UCK2: variants seen among roughly 807,000 people sequenced by gnomAD.
UCK2 encodes cytidine monophosphokinase 2.
UCK2 carries 6 observed loss-of-function variants against 30.8 expected under a neutral mutation model. That is an observed-to-expected ratio of 0.19 (90% CI 0.11 to 0.38). The LOEUF is 0.38. Ranked by LOEUF, UCK2 falls within the 10% of genes least tolerant of loss-of-function variation. The pLI is 1.00. For synonymous variants in UCK2, 125 were observed against 133.6 expected (o/e 0.94, Z 0.45); for missense variants, 210 against 339.8 (o/e 0.62, Z 3.00).
Position 165,908,031 on chromosome 1 carries a change from G to A in UCK2, c.*208G>A, listed in dbSNP as rs1215751362. The A allele has an allele frequency of 2.6e-5, 16 of 610,952 alleles. No individual in the cohort carries two copies. Among genetic ancestry groups the A allele is most frequent in the Non-Finnish European group, 3.7e-5 (14 of 380,042 alleles). 37.8% of individuals were successfully genotyped at this position (610,952 alleles called of 1,614,324 possible). Reference sequence around the variant, plus strand: ...GACCCTGAGCTTAAATAACAAAACTGTGCCAACTACTACTGGTGATGCCTA... The same window carrying A: ...GACCCTGAGCTTAAATAACAAAACTATGCCAACTACTACTGGTGATGCCTA... On this transcript the variant is annotated 3_prime_UTR_variant, in exon 7 of 7. Transcript: ENST00000367879.
At chr1:165,892,061 G>C (rs1246423807) in intron 3 of UCK2, 1 of 151,524 alleles carries the variant, frequency 6.6e-6, no homozygotes, top group Non-Finnish European at 1.5e-5. Flanking sequence ...GAGAGAGAGA[G>C]AGAGAGAGAA....
intron 1 of UCK2, among the ~76,000 whole-genome samples, chr1:165,880,067 G>T (rs1655444650): frequency 6.6e-6 from 1 of 152,192 alleles, no homozygotes; most frequent in Admixed American, 6.5e-5. Context: ...AATATACTTT[G>T]TACAACAAAG....
chr1:165,873,543 T>C (rs1036545233), intron 1 of UCK2, among the ~76,000 whole-genome samples: 18 of 152,240 alleles, frequency 1.2e-4, no homozygotes, highest in African/African-American at 4.3e-4. Flanking sequence ...TGTGATTCTT[T>C]ATATCTTCCT....
intron 1 of UCK2, among the ~76,000 whole-genome samples, chr1:165,865,957 A>G (rs4657486): frequency 0.39 from 59,714 of 152,052 alleles, 11,787 homozygotes; most frequent in Non-Finnish European, 0.42. Context: ...CGCTTTCCCA[A>G]ACCAGTTATT....
At chr1:165,852,320 A>G (rs1654618429) in intron 1 of UCK2, among the ~76,000 whole-genome samples, 1 of 152,250 alleles carries the variant, frequency 6.6e-6, no homozygotes, top group South Asian at 2.1e-4. Flanking sequence ...CAATCTACCC[A>G]TCTGACAAAG....
At chr1:165,895,371 C>T (rs1293759973) in intron 3 of UCK2, 13 of 593,614 alleles carry the variant, frequency 2.2e-5, no homozygotes, top group East Asian at 2.8e-4. Context: ...TCCAAGATTG[C>T]GCCGCTGCAC....
chr1:165,827,730 A>G lies in UCK2; in HGVS notation c.-104A>G, dbSNP rs1653921511. 5.6e-6 allele frequency: 6 copies of G among 1,076,492 alleles called. No individual in the cohort carries two copies. The highest frequency in any genetic ancestry group is 2.7e-4 in the Middle Eastern group (1 of 3,704). 66.7% of individuals were successfully genotyped at this position (1,076,492 alleles called of 1,614,324 possible). A position where few individuals can be genotyped will look rare whatever the true frequency, so the allele number is the denominator to read the frequency against. On this transcript the variant is annotated 5_prime_UTR_variant, in exon 1 of 7. Coordinates refer to ENST00000367879, the MANE Select transcript of UCK2 (RefSeq NM_012474.5). ...GAGCGACAGCGGCCTCAGCCCCGGC[A>G]GCGCCCAGCGGCGGCTGCGGAAAGC...
At chr1:165,831,377 C>A (rs1056450191) in intron 1 of UCK2, among the ~76,000 whole-genome samples, 1 of 152,178 alleles carries the variant, frequency 6.6e-6, no homozygotes, top group African/African-American at 2.4e-5. Flanking sequence ...TAGCAAGACC[C>A]CATCTCAAAA....
Position 165,908,423 on chromosome 1 carries a change from TTTTTC to T in UCK2, c.*610_*614del, listed in dbSNP as rs1339323650. 4 of 125,528 alleles carry T rather than the reference TTTTTC, an allele frequency of 3.2e-5. No homozygotes were observed. The highest frequency in any genetic ancestry group is 4.8e-5 in the Non-Finnish European group (3 of 62,578). The allele number at this position is 125,528 out of a possible 1,614,324, so 7.8% of individuals were successfully genotyped here. ...ATGAGAGATACTCTTGTCTTTTTTT[TTTTTC>T]TTTTCTTTTTTTTTTTTGAGTTGAA... is the stretch of plus-strand genomic sequence containing the variant. On this transcript the variant is annotated 3_prime_UTR_variant, in exon 7 of 7. Coordinates refer to ENST00000367879, the MANE Select transcript of UCK2 (RefSeq NM_012474.5).
intron 1 of UCK2, among the ~76,000 whole-genome samples, chr1:165,889,108 T>C (rs1170177005): frequency 1.3e-5 from 2 of 152,214 alleles, no homozygotes; most frequent in African/African-American, 2.4e-5. Flanking sequence ...TCCACTCTTG[T>C]TTGGGATACT....
intron 6 of UCK2, 132 bp from the exon 7 acceptor site, chr1:165,907,552 C>A (rs961567348): frequency 7.9e-7 from 1 of 1,261,860 alleles, no homozygotes; most frequent in Non-Finnish European, 1.1e-6. Context: ...GACTTGCCTG[C>A]AAGTGGCAGA....
intron 1 of UCK2, among the ~76,000 whole-genome samples, chr1:165,878,337 T>G (rs1473866992): frequency 1.8e-5 from 1 of 56,464 alleles, no homozygotes; most frequent in Non-Finnish European, 5.0e-5. Flanking sequence ...CTTTCTTTCT[T>G]TTTTTTTTTT....
chr1:165,893,946 A>G (rs1369292768), intron 3 of UCK2, among the ~76,000 whole-genome samples: 1 of 152,226 alleles, frequency 6.6e-6, no homozygotes, highest in Non-Finnish European at 1.5e-5. Context: ...TAGTGTCAGT[A>G]CAGATTGAAC....
At chr1:165,892,469 C>A (rs919517750) in intron 3 of UCK2, among the ~76,000 whole-genome samples, 11 of 152,160 alleles carry the variant, frequency 7.2e-5, no homozygotes, top group Non-Finnish European at 1.5e-5. Context: ...CAGCCTCAAT[C>A]TGGGAGCTTA....
rs376379718 is a variant in UCK2 at position 165,896,266 on chromosome 1, G to A, written c.433G>A (p.Val145Ile). 7 of 1,614,232 alleles carry A rather than the reference G, an allele frequency of 4.3e-6. No homozygotes were observed. The highest frequency in any genetic ancestry group is 5.9e-6 in the Non-Finnish European group (7 of 1,180,040). Residue 145 changes from valine (V) to isoleucine (I), a missense_variant, in exon 4 of 7, where the codon GTA becomes ATA. Coordinates refer to ENST00000367879, the MANE Select transcript of UCK2 (RefSeq NM_012474.5). ...EGILAFYSQE[V>I]RDLFQMKLFV... is the part of the protein sequence containing the mutation. ...GATCCTGGCCTTCTACTCCCAGGAG[G>A]TACGAGACCTGTTCCAGATGAAGCT...
intron 1 of UCK2, among the ~76,000 whole-genome samples, chr1:165,828,620 A>G (rs961034173): frequency 2.6e-5 from 4 of 152,104 alleles, no homozygotes; most frequent in Non-Finnish European, 5.9e-5. Flanking sequence ...AGAAAGTTGT[A>G]CTGGCTCCAA....
intron 2 of UCK2, 60 bp from the exon 3 acceptor site, chr1:165,891,165 AT>A: frequency 7.0e-7 from 1 of 1,435,244 alleles, no homozygotes; most frequent in Non-Finnish European, 9.7e-7. Context: ...TGCCTTGTGT[AT>A]GATTATAGGA....
chr1:165,865,111 T>G (rs1295363235), intron 1 of UCK2, among the ~76,000 whole-genome samples: 1 of 152,188 alleles, frequency 6.6e-6, no homozygotes, highest in Non-Finnish European at 1.5e-5. Flanking sequence ...ACACATCACA[T>G]CATATGTGTA....
intron 1 of UCK2, among the ~76,000 whole-genome samples, chr1:165,838,530 A>G (rs1452719113): frequency 6.6e-6 from 1 of 152,190 alleles, no homozygotes; most frequent in African/African-American, 2.4e-5. Flanking sequence ...TATCTGTTGA[A>G]TGGTTGAAGA....
Sources: gnomAD v4.1 joint callset for allele counts (sites outside exome capture counted in the v4.1 genomes callset) on GRCh38, gnomAD v4.1.1 for gene constraint, MANE v1.5 for transcripts, NCBI Gene and HGNC (gene_info 2026-07-23, HGNC 2026-07-21) for gene names.